Variants in ZNF837 observed in about 807,000 individuals in gnomAD.
The protein encoded by ZNF837 is zinc finger protein 837.
For synonymous variants in ZNF837, 475 were observed against 365.2 expected, an observed-to-expected ratio of 1.30 and a Z score of -3.43; for missense variants, 955 against 801.7, an observed-to-expected ratio of 1.19 and a Z score of -2.31.
At position 58,368,281 on chromosome 19, in the gene ZNF837, C is replaced by G; in HGVS notation, c.1052G>C (p.Ser351Thr). 1 of 1,480,590 alleles carries G rather than the reference C, an allele frequency of 6.8e-7. No homozygotes were observed. The highest frequency in any genetic ancestry group is 1.3e-5 in the South Asian group (1 of 74,706). The allele number at this position is 1,480,590 out of a possible 1,614,324, so 91.7% of individuals were successfully genotyped here. A position where few individuals can be genotyped will look rare whatever the true frequency, so the allele number is the denominator to read the frequency against. Residue 351 changes from serine to threonine, a missense_variant, in exon 3 of 3, where the codon AGT (serine) becomes ACT (threonine). Physicochemically the swap from Ser to Thr is moderately conservative, Grantham distance 58. Transcript: ENST00000597582. ...CCCGGCTCCCGACCCCCGTCGGGGA[C>G]TCCGCTCGCTGTAGTCCCCGCAGGG... ...CPPCGDYSERSPRRGSGAGEK... is the reference protein window; with the variant it reads ...CPPCGDYSERTPRRGSGAGEK...
Position 58,367,953 on chromosome 19 carries a change from G to T in ZNF837, c.1380C>A (p.Ser460=). 6.5e-7 allele frequency: 1 copy of T among 1,533,078 alleles called. No individual in the cohort carries two copies. 95.0% of individuals were successfully genotyped at this position (1,533,078 alleles called of 1,614,324 possible). The part of the protein sequence containing the change: ...SECGKTFRGC[S]ELRQHERLHS... The stretch of plus-strand genomic sequence containing the variant: ...GCAGGCGCTCGTGCTGGCGCAGCTC[G>T]GAGCAGCCGCGGAAGGTCTTTCCGC... Residue 460 remains serine, a synonymous_variant, in exon 3 of 3, where the codon TCC becomes TCA. Coordinates refer to ENST00000597582, the MANE Select transcript of ZNF837 (RefSeq NM_138466.2).
At chr19:58,374,418 G>A (rs2052224874) in intron 1 of ZNF837, among the ~76,000 whole-genome samples, 1 of 152,194 alleles carries the variant, frequency 6.6e-6, no homozygotes. Context: ...GAAAGTAAAA[G>A]CAGTGAGTCA....
At chr19:58,371,673 C>T (rs911965576) in intron 1 of ZNF837, among the ~76,000 whole-genome samples, 12 of 152,194 alleles carry the variant, frequency 7.9e-5, no homozygotes, top group Non-Finnish European at 1.6e-4. Flanking sequence ...CTCCTTTTGT[C>T]CTGTGTTCCC....
chr19:58,368,902 A>G lies in ZNF837; in HGVS notation c.431T>C (p.Val144Ala). 1 of 1,548,124 alleles carries G rather than the reference A, an allele frequency of 6.5e-7. No homozygotes were observed. The highest frequency in any genetic ancestry group is 1.2e-5 in the South Asian group (1 of 84,028). ...RGAPAGETPP[V>A]CDPCPERIQN... ...GATCCGCTCCGGACAGGGGTCACAC[A>G]CGGGTGGCGTCTCCCCAGCGGGCGC... The change falls in exon 3 of 3, where the codon GTG (valine) becomes GCG (alanine). Residue 144 changes from valine to alanine, a missense_variant. Coordinates refer to ENST00000597582, the MANE Select transcript of ZNF837 (RefSeq NM_138466.2).
chr19:58,380,944 C>T lies in ZNF837; in HGVS notation c.-143G>A, dbSNP rs568476981. On this transcript the variant is annotated 5_prime_UTR_variant, in exon 1 of 3. Transcript: ENST00000597582. Reference sequence around the variant, plus strand: ...GTCCGCGCAGAATGCCACTTACTCTCTGGAGGCGGCCCGCACGGGTCCCTG... The same window carrying T: ...GTCCGCGCAGAATGCCACTTACTCTTTGGAGGCGGCCCGCACGGGTCCCTG... 1 of 106,344 alleles carries T rather than the reference C, an allele frequency of 9.4e-6. No homozygotes were observed. The highest frequency in any genetic ancestry group is 3.5e-4 in the South Asian group (1 of 2,862). 6.6% of individuals were successfully genotyped at this position (106,344 alleles called of 1,614,324 possible).
chr19:58,372,440 G>GA (rs951396224), intron 1 of ZNF837, among the ~76,000 whole-genome samples: 5 of 152,044 alleles, frequency 3.3e-5, no homozygotes, highest in Non-Finnish European at 7.4e-5. Flanking sequence ...GTCCGGGGGG[G>GA]GCGGATCACG....
chr19:58,369,452 A>T (rs2052180518), intron 2 of ZNF837, 91 bp from the exon 3 acceptor site: 1 of 1,133,082 alleles, frequency 8.8e-7, no homozygotes, highest in Non-Finnish European at 1.1e-6. Flanking sequence ...CACAGCTGGC[A>T]CCTACTGGGC....
At chr19:58,377,771 C>T (rs970910573) in intron 1 of ZNF837, among the ~76,000 whole-genome samples, 4 of 152,328 alleles carry the variant, frequency 2.6e-5, no homozygotes, top group East Asian at 3.9e-4. Context: ...GAAGTTGTGA[C>T]GGGAGGGAGG....
At chr19:58,374,453 C>G (rs2052225260) in intron 1 of ZNF837, among the ~76,000 whole-genome samples, 1 of 152,050 alleles carries the variant, frequency 6.6e-6, no homozygotes, top group African/African-American at 2.4e-5. Context: ...TTGCATAATT[C>G]CATTTATACG....
Position 58,375,270 on chromosome 19 carries a change from GTATATATATATATATATATA to G in ZNF837, c.-139-5362_-139-5343del, listed in dbSNP as rs58582835. Among the ~76,000 whole-genome samples, 4 of 34,856 alleles carry G rather than the reference GTATATATATATATATATATA, an allele frequency of 1.1e-4. 1 individual carries two copies. Among genetic ancestry groups the G allele is most frequent in the African/African-American group, 2.9e-4 (3 of 10,346 alleles). The allele number at this position is 34,856 out of a possible 152,430, so 22.9% of individuals were successfully genotyped here. The stretch of plus-strand genomic sequence containing the variant: ...GAATCTGTCTCAAAAAAAAAAAAAA[GTATATATATATATATATATA>G]TATATATATATATATATATATAAAA... On this transcript the variant is annotated intron_variant, in intron 1 of 2. Coordinates refer to ENST00000597582, the MANE Select transcript of ZNF837 (RefSeq NM_138466.2).
In ZNF837 at chr19:58,367,815, TCCG is replaced by T; in HGVS notation, c.1515_1517del (p.Cys505_Gly506delinsTer). 1 of 1,536,286 alleles carries T rather than the reference TCCG, an allele frequency of 6.5e-7. No homozygotes were observed. Among genetic ancestry groups the T allele is most frequent in the African/African-American group, 1.4e-5 (1 of 72,992 alleles). On this transcript the variant is annotated stop_gained and inframe_deletion, in exon 3 of 3. Coordinates refer to ENST00000597582, the MANE Select transcript of ZNF837 (RefSeq NM_138466.2). LOFTEE classifies it low-confidence loss of function (END_TRUNC). ...GTTGGCTGAAGGCGCGGCCGCAATC[TCCG>T]CACGCGTAGGGCCGCTCGCCCGTGT...
At chr19:58,376,917 T>TAAA (rs34562043) in intron 1 of ZNF837, among the ~76,000 whole-genome samples, 2 of 138,830 alleles carry the variant, frequency 1.4e-5, no homozygotes, top group African/African-American at 5.4e-5. Flanking sequence ...CTGTCTCTAT[T>TAAA]AAAAAAAAAA....
intron 1 of ZNF837, among the ~76,000 whole-genome samples, chr19:58,370,193 C>T (rs1006249445): frequency 3.3e-5 from 5 of 152,200 alleles, no homozygotes; most frequent in Non-Finnish European, 7.3e-5. Flanking sequence ...GTGTGGGTTC[C>T]TTCCAGAAGC....
chr19:58,371,786 A>C (rs1315834439), intron 1 of ZNF837, among the ~76,000 whole-genome samples: 1 of 152,212 alleles, frequency 6.6e-6, no homozygotes, highest in Non-Finnish European at 1.5e-5. Flanking sequence ...CAGTGGCGCC[A>C]TCTCAGCTCA....
chr19:58,370,083 A>G (rs1236423167), intron 1 of ZNF837, among the ~76,000 whole-genome samples, 155 bp from the exon 2 acceptor site: 2 of 152,210 alleles, frequency 1.3e-5, no homozygotes, highest in Non-Finnish European at 2.9e-5. Context: ...CTATTGTTAA[A>G]GCTGCTTTAA....
chr19:58,370,970 G>C (rs897800519), intron 1 of ZNF837, among the ~76,000 whole-genome samples: 1 of 151,752 alleles, frequency 6.6e-6, no homozygotes, highest in Non-Finnish European at 1.5e-5. Context: ...AGCCGGGCGC[G>C]GTGGCTCACG....
chr19:58,372,141 G>A (rs547213858), intron 1 of ZNF837, among the ~76,000 whole-genome samples: 10 of 151,944 alleles, frequency 6.6e-5, no homozygotes, highest in South Asian at 2.1e-4. Context: ...CGCAACCTCC[G>A]CCTCCTGGGT....
chr19:58,370,893 CAAAAAAAGAAAAGG>C (rs1326573380), intron 1 of ZNF837, among the ~76,000 whole-genome samples: 47 of 94,358 alleles, frequency 5.0e-4, no homozygotes, highest in Middle Eastern at 8.9e-3. Context: ...GAAACTCTTT[CAAAAAAAGAAAAGG>C]AAAAAAAGAA....
At chr19:58,376,912 T>A (rs917782619) in intron 1 of ZNF837, among the ~76,000 whole-genome samples, 6 of 129,296 alleles carry the variant, frequency 4.6e-5, no homozygotes, top group South Asian at 5.5e-4. Flanking sequence ...AAACCCTGTC[T>A]CTATTAAAAA....
Sources: allele counts gnomAD v4.1 joint callset (sites outside exome capture counted in the v4.1 genomes callset), GRCh38; gene constraint gnomAD v4.1.1; transcripts MANE v1.5; gene names NCBI Gene and HGNC (gene_info 2026-07-23, HGNC 2026-07-21).